CERS3: variants seen among roughly 807,000 people sequenced by gnomAD.
The protein encoded by CERS3 is ceramide synthase 3, also known as LAG1 homolog, ceramide synthase 3.
CERS3 carries 33 observed loss-of-function variants against 50.3 expected under a neutral mutation model. That is an observed-to-expected ratio of 0.66 (90% confidence interval 0.50 to 0.88). The LOEUF is 0.88. Ranked by LOEUF, CERS3 falls within the 40% of genes least tolerant of loss-of-function variation. CERS3 has a pLI of 0.00. For missense variants in CERS3, 470 were observed against 460.3 expected, an observed-to-expected ratio of 1.02 and a Z score of -0.19; for synonymous variants, 176 against 155.2, an observed-to-expected ratio of 1.13 and a Z score of -0.99.
chr15:100,405,313 G>C (rs1242114142), intron 11 of CERS3, among the ~76,000 whole-genome samples: 2 of 150,376 alleles, frequency 1.3e-5, no homozygotes, highest in Admixed American at 1.3e-4. Flanking sequence ...TATCAAAGAG[G>C]ACACAGGATG....
At chr15:100,533,107 AGT>A (rs1210160960), upstream of CERS3, among the ~76,000 whole-genome samples, 3 of 152,204 alleles carry the variant, frequency 2.0e-5, no homozygotes, top group Non-Finnish European at 2.9e-5. Context: ...TTGGTGAGAA[AGT>A]GAGAAAACTG....
chr15:100,531,570 G>T (rs941328341), upstream of CERS3, among the ~76,000 whole-genome samples: 12 of 152,176 alleles, frequency 7.9e-5, no homozygotes, highest in African/African-American at 2.9e-4. Flanking sequence ...AGCAAATATG[G>T]TTATCTCAAG....
chr15:100,525,858 C>T (rs556308016), intron 1 of CERS3, among the ~76,000 whole-genome samples: 5 of 152,298 alleles, frequency 3.3e-5, no homozygotes, highest in African/African-American at 1.2e-4. Flanking sequence ...TTTAGAATGC[C>T]TTCTTTCATA....
chr15:100,535,098 G>GTC (rs2037037921), intron 1 of CERS3, among the ~76,000 whole-genome samples: 2 of 152,206 alleles, frequency 1.3e-5, no homozygotes, highest in Non-Finnish European at 2.9e-5. Flanking sequence ...ACCTCCTGAG[G>GTC]CTGTGTCATG....
intron 4 of CERS3, among the ~76,000 whole-genome samples, chr15:100,489,354 C>A (rs2035582403): frequency 6.6e-6 from 1 of 152,128 alleles, no homozygotes. Context: ...TCATCTTAAT[C>A]ATGAAAAAGA....
At chr15:100,533,812 C>A (rs1249481112), upstream of CERS3, among the ~76,000 whole-genome samples, 1 of 152,188 alleles carries the variant, frequency 6.6e-6, no homozygotes, top group Admixed American at 6.5e-5. Flanking sequence ...CCTGCCTCGG[C>A]CTCCCAAAGT....
chr15:100,437,473 G>T (rs920430777), intron 11 of CERS3, among the ~76,000 whole-genome samples: 6 of 152,092 alleles, frequency 3.9e-5, no homozygotes, highest in Non-Finnish European at 7.3e-5. Context: ...AAGTCAACTG[G>T]CAAAAGACAG....
At chr15:100,479,341 T>A in intron 7 of CERS3, 87 bp downstream of exon 7, 1 of 979,380 alleles carries the variant, frequency 1.0e-6, no homozygotes. Flanking sequence ...GAACAAAGAG[T>A]AGCAGGGGAC....
Position 100,455,976 on chromosome 15 carries a change from G to T in CERS3, c.916C>A (p.Leu306Ile), listed in dbSNP as rs759273198. The T allele has an allele frequency of 1.2e-6, 2 of 1,613,210 alleles. No individual in the cohort carries two copies. Among genetic ancestry groups the T allele is most frequent in the Admixed American group, 1.7e-5 (1 of 59,940 alleles). The change falls in exon 11 of 12, where the codon CTA becomes ATA. Residue 306 changes from leucine (L) to isoleucine (I), a missense_variant. Leu to Ile is a conservative substitution (Grantham distance 5, BLOSUM62 2). Transcript: ENST00000679737. ...AGGACCTGCAAGATCATGAGCTGTA[G>T]GTTGAGGAAGATGTATGAAAAGAAA... ...EPFFSYIFLN[L>I]QLMILQVLHL...
chr15:100,464,835 G>C (rs1190604813), intron 10 of CERS3, among the ~76,000 whole-genome samples: 7 of 152,174 alleles, frequency 4.6e-5, no homozygotes, highest in Non-Finnish European at 7.3e-5. Context: ...GTGTGCTTTT[G>C]AATTTCTGCC....
chr15:100,429,943 T>A (rs530559220), intron 11 of CERS3, among the ~76,000 whole-genome samples: 17 of 151,566 alleles, frequency 1.1e-4, no homozygotes, highest in Middle Eastern at 3.4e-3. Flanking sequence ...GTATTTTTTT[T>A]TATATATTTA....
At chr15:100,494,695 A>G (rs959510525) in intron 3 of CERS3, among the ~76,000 whole-genome samples, 1 of 152,214 alleles carries the variant, frequency 6.6e-6, no homozygotes, top group Non-Finnish European at 1.5e-5. Flanking sequence ...AGCTCTGTGC[A>G]TATGTTGGAG....
At chr15:100,443,545 T>C (rs1431743512) in intron 11 of CERS3, among the ~76,000 whole-genome samples, 1 of 149,926 alleles carries the variant, frequency 6.7e-6, no homozygotes, top group East Asian at 2.0e-4. Flanking sequence ...ATCTCAAACA[T>C]GCTTTCTTTA....
At chr15:100,474,682 C>T (rs1285794526) in intron 8 of CERS3, among the ~76,000 whole-genome samples, 1 of 152,222 alleles carries the variant, frequency 6.6e-6, no homozygotes, top group Non-Finnish European at 1.5e-5. Context: ...GGATCACAGG[C>T]GTGAGCCTCT....
rs555997085 is a variant in CERS3, at chr15:100,521,693, G to A, written c.-28C>T. The A allele has an allele frequency of 6.6e-5, 10 of 151,938 alleles. No individual in the cohort carries two copies. Among genetic ancestry groups the A allele is most frequent in the African/African-American group, 2.4e-4 (10 of 41,324 alleles). The allele number at this position is 151,938 out of a possible 1,614,324, so 9.4% of individuals were successfully genotyped here. Reference sequence around the variant, plus strand: ...TGAGTATATATGATAGCTTTCTACTGAGGAACTCAAATACTGTATATATGT... The same window carrying A: ...TGAGTATATATGATAGCTTTCTACTAAGGAACTCAAATACTGTATATATGT... On this transcript the variant is annotated 5_prime_UTR_variant, in exon 2 of 12. Transcript: ENST00000679737.
intron 11 of CERS3, among the ~76,000 whole-genome samples, chr15:100,451,531 G>A (rs2034168890): frequency 6.6e-6 from 1 of 152,100 alleles, no homozygotes; most frequent in Non-Finnish European, 1.5e-5. Flanking sequence ...GTGAAACCCT[G>A]TCTCTACTAA....
chr15:100,490,757 G>A, intron 4 of CERS3, 60 bp downstream of exon 4: 2 of 1,003,850 alleles, frequency 2.0e-6, no homozygotes. Flanking sequence ...GTAAGCTATA[G>A]ATAATTGAAC....
intron 10 of CERS3, among the ~76,000 whole-genome samples, chr15:100,459,051 G>C (rs1175182120): frequency 6.6e-6 from 1 of 152,188 alleles, no homozygotes; most frequent in African/African-American, 2.4e-5. Flanking sequence ...TTCATGTATA[G>C]AAAGTACATA....
intron 1 of CERS3, among the ~76,000 whole-genome samples, chr15:100,541,707 T>C (rs1567695004): frequency 6.6e-6 from 1 of 152,146 alleles, no homozygotes; most frequent in Non-Finnish European, 1.5e-5. Context: ...ATAGCTTCCC[T>C]GAAATAAACT....
Sources: gnomAD v4.1 joint callset for allele counts (sites outside exome capture counted in the v4.1 genomes callset) on GRCh38, gnomAD v4.1.1 for gene constraint, MANE v1.5 for transcripts, NCBI Gene and HGNC (gene_info 2026-07-23, HGNC 2026-07-21) for gene names.